The following MRPL49 variants were observed in gnomAD, a reference collection of about 807,000 sequenced individuals.
MRPL49 encodes large ribosomal subunit protein mL49.
In MRPL49, 14 loss-of-function variants were observed where a neutral mutation model predicts 18.4. The observed-to-expected ratio is 0.76, with a 90% CI of 0.50 to 1.19. The LOEUF is 1.19. MRPL49 is among the 50% of genes most tolerant of loss of function. MRPL49 has a pLI of 0.00. For missense variants in MRPL49, 190 were observed against 217.8 expected (o/e 0.87, Z 0.80); for synonymous variants, 104 against 86.2 (o/e 1.21, Z -1.14).
At chr11:65,125,267 C>T in intron 2 of MRPL49, 1 of 533,974 alleles carries the variant, frequency 1.9e-6, no homozygotes, top group South Asian at 2.6e-5. Flanking sequence ...TCTTGAGCAC[C>T]TACTTAGTGC....
chr11:65,124,728 G>T (rs1189887940), intron 2 of MRPL49, 76 bp downstream of exon 2: 2 of 1,532,766 alleles, frequency 1.3e-6, no homozygotes, highest in Non-Finnish European at 1.8e-6. Flanking sequence ...CCTCCCCCAT[G>T]AGGCTCTGGA....
At chr11:65,123,968 A>G (rs918888074) in intron 1 of MRPL49, among the ~76,000 whole-genome samples, 1 of 151,058 alleles carries the variant, frequency 6.6e-6, no homozygotes, top group Non-Finnish European at 1.5e-5. Context: ...GCTCACTGCA[A>G]CCTCCACCTC....
chr11:65,126,709 G>A lies in MRPL49; in HGVS notation c.*837G>A. The A allele has an allele frequency of 2.4e-6, 1 of 415,028 alleles. No individual in the cohort carries two copies. Among genetic ancestry groups the A allele is most frequent in the Non-Finnish European group, 4.3e-6 (1 of 230,568 alleles). The allele number at this position is 415,028 out of a possible 1,614,324, so 25.7% of individuals were successfully genotyped here. A position where few individuals can be genotyped will look rare whatever the true frequency, so the allele number is the denominator to read the frequency against. The stretch of plus-strand genomic sequence containing the variant: ...CTGTTCAAAGTACAGTGCTGGCACT[G>A]GGGCACAGAGTGCCCACGTTAGCCC... On this transcript the variant is annotated 3_prime_UTR_variant, in exon 4 of 4. Transcript: ENST00000279242.
chr11:65,123,956 T>A (rs957763441), intron 1 of MRPL49, among the ~76,000 whole-genome samples: 3 of 151,878 alleles, frequency 2.0e-5, no homozygotes, highest in Non-Finnish European at 2.9e-5. Flanking sequence ...GGTGCGATCT[T>A]AGCTCACTGC....
At chr11:65,124,397 A>T (rs774261614) in intron 1 of MRPL49, 105 bp from the exon 2 acceptor site, 4 of 1,160,054 alleles carry the variant, frequency 3.4e-6, no homozygotes, top group Non-Finnish European at 3.7e-6. Flanking sequence ...CCTTTTATTT[A>T]TGTCATTCTC....
chr11:65,127,276 C>CA lies in MRPL49; in HGVS notation c.*1406dup. On this transcript the variant is annotated 3_prime_UTR_variant, in exon 4 of 4. Coordinates refer to ENST00000279242, the MANE Select transcript of MRPL49 (RefSeq NM_004927.4). ...ATCGATTCTGTGACACAAACCCCAC[C>CA]AATTGTTAATGCAAGTTTTTATTTG... 2.2e-6 allele frequency: 1 copy of CA among 463,896 alleles called. No homozygotes were observed. 28.7% of individuals were successfully genotyped at this position (463,896 alleles called of 1,614,324 possible). A position where few individuals can be genotyped will look rare whatever the true frequency, so the allele number is the denominator to read the frequency against.
At chr11:65,124,798 C>A in intron 2 of MRPL49, 146 bp downstream of exon 2, 1 of 840,286 alleles carries the variant, frequency 1.2e-6, no homozygotes, top group Non-Finnish European at 1.8e-6. Flanking sequence ...GTCTCATGCC[C>A]AAGGAAGAGC....
At chr11:65,124,179 G>A (rs886282969) in intron 1 of MRPL49, among the ~76,000 whole-genome samples, 1 of 152,202 alleles carries the variant, frequency 6.6e-6, no homozygotes, top group Non-Finnish European at 1.5e-5. Flanking sequence ...GAGCCACCTT[G>A]CCCAGCCAGA....
intron 1 of MRPL49, 101 bp from the exon 2 acceptor site, chr11:65,124,401 C>T (rs1948080854): frequency 4.2e-6 from 5 of 1,186,610 alleles, no homozygotes; most frequent in Middle Eastern, 4.4e-4. Flanking sequence ...TTATTTATGT[C>T]ATTCTCTCTG....
In MRPL49 at chr11:65,125,834, CAGG is replaced by C; in HGVS notation, c.466_468del (p.Glu156del). 1 of 1,611,016 alleles carries C rather than the reference CAGG, an allele frequency of 6.2e-7. No individual in the cohort carries two copies. Among genetic ancestry groups the C allele is most frequent in the East Asian group, 2.2e-5 (1 of 44,840 alleles). On this transcript the variant is annotated inframe_deletion, in exon 4 of 4. Coordinates refer to ENST00000279242, the MANE Select transcript of MRPL49 (RefSeq NM_004927.4). Reference sequence around the variant, plus strand: ...CCTACGGATCAAGGGCTACTTTGACCAGGAGCTTAAAGCCTGGCTCTTGGAGAA... The same window carrying C: ...CCTACGGATCAAGGGCTACTTTGACCAGCTTAAAGCCTGGCTCTTGGAGAA...
intron 2 of MRPL49, chr11:65,124,989 T>A (rs1590822806): frequency 6.7e-6 from 2 of 300,150 alleles, no homozygotes; most frequent in East Asian, 7.0e-5. Context: ...CAGTTCTGGG[T>A]TTGAATTTGG....
chr11:65,122,270 G>T (rs1207917830), upstream of MRPL49: 7 of 1,536,634 alleles, frequency 4.6e-6, no homozygotes, highest in South Asian at 3.5e-5. Flanking sequence ...CGGCGAACCT[G>T]CCTGGGCAGG....
In MRPL49 at chr11:65,126,054, G is replaced by A. The variant is rs1948098089; in HGVS notation, c.*182G>A. ...ACAACTCTATGTACATGCTGGGGGA[G>A]AGTGCCTAATGTGGGAGACCAAATA... is the stretch of plus-strand genomic sequence containing the variant. On this transcript the variant is annotated 3_prime_UTR_variant, in exon 4 of 4. Transcript: ENST00000279242. 1.6e-6 allele frequency: 1 copy of A among 640,478 alleles called. No homozygotes were observed. Among genetic ancestry groups the A allele is most frequent in the South Asian group, 2.4e-5 (1 of 41,900 alleles). The allele number at this position is 640,478 out of a possible 1,614,324, so 39.7% of individuals were successfully genotyped here.
intron 2 of MRPL49, chr11:65,124,932 C>A: frequency 2.8e-6 from 1 of 360,896 alleles, no homozygotes; most frequent in South Asian, 6.1e-5. Flanking sequence ...CCTTCTTTCC[C>A]CCCAGCAGAC....
Position 65,125,493 on chromosome 11 carries a change from C to G in MRPL49, c.235C>G (p.Pro79Ala). Residue 79 changes from proline to alanine, a missense_variant, in exon 3 of 4, where the codon CCA becomes GCA. Transcript: ENST00000279242. ...AGTGTCTTTCCCTGTTGCAGACCCC[C>G]CACCCAACCTGCCTTACTTTGTACG... ...PSGWQPPRDP[P>A]PNLPYFVRRS... 6.2e-7 allele frequency: 1 copy of G among 1,613,748 alleles called. No individual in the cohort carries two copies. Among genetic ancestry groups the G allele is most frequent in the South Asian group, 1.1e-5 (1 of 91,006 alleles).
intron 1 of MRPL49, 129 bp downstream of exon 1, chr11:65,122,553 T>G (rs1948062429): frequency 1.2e-6 from 1 of 804,332 alleles, no homozygotes; most frequent in East Asian, 2.7e-5. Flanking sequence ...TCAGGAGAAC[T>G]TGTCCCGAGT....
At chr11:65,123,419 G>A (rs1948072128) in intron 1 of MRPL49, among the ~76,000 whole-genome samples, 1 of 152,184 alleles carries the variant, frequency 6.6e-6, no homozygotes, top group Non-Finnish European at 1.5e-5. Context: ...TATCAGGGAG[G>A]TAAAAGAAGA....
At chr11:65,123,473 G>T (rs1948072620) in intron 1 of MRPL49, among the ~76,000 whole-genome samples, 1 of 152,240 alleles carries the variant, frequency 6.6e-6, no homozygotes, top group Non-Finnish European at 1.5e-5. Context: ...GGTGGCTCAC[G>T]CCTGTAATCC....
At chr11:65,122,511 C>G in intron 1 of MRPL49, 87 bp downstream of exon 1, 1 of 1,283,572 alleles carries the variant, frequency 7.8e-7, no homozygotes, top group Non-Finnish European at 1.1e-6. Flanking sequence ...CTAAGGCATT[C>G]CTACTTGGGG....
Sources: gnomAD v4.1 joint callset for allele counts (sites outside exome capture counted in the v4.1 genomes callset) on GRCh38, gnomAD v4.1.1 for gene constraint, MANE v1.5 for transcripts, NCBI Gene and HGNC (gene_info 2026-07-23, HGNC 2026-07-21) for gene names.